Variants in IL36B observed in about 807,000 individuals in gnomAD.
The protein encoded by IL36B is interleukin 36 beta.
IL36B carries 23 observed loss-of-function variants against 19.3 expected under a neutral mutation model. The ratio of observed to expected loss-of-function variants is 1.19; its 90% CI spans 0.86 to 1.69. The LOEUF is 1.69. Ranked by LOEUF, IL36B falls within the 40% of genes most tolerant of loss-of-function variation. The pLI is 0.00. For synonymous variants in IL36B, 59 were observed against 59.7 expected (o/e 0.99, Z 0.05); for missense variants, 217 against 200.5 (o/e 1.08, Z -0.50).
At chr2:113,033,901 A>T (rs1685122797) in intron 1 of IL36B, among the ~76,000 whole-genome samples, 1 of 152,076 alleles carries the variant, frequency 6.6e-6, no homozygotes, top group African/African-American at 2.4e-5. Context: ...ACCGAATATT[A>T]TTGGTCAGTC....
intron 3 of IL36B, among the ~76,000 whole-genome samples, chr2:113,029,899 G>C (rs1035798177): frequency 3.3e-5 from 5 of 152,162 alleles, no homozygotes; most frequent in African/African-American, 1.2e-4. Flanking sequence ...AAATGCAAAA[G>C]AGGAGCCAGC....
Position 113,026,218 on chromosome 2 carries a change from T to C in IL36B, c.276A>G (p.Gln92=). 2.5e-6 allele frequency: 4 copies of C among 1,613,798 alleles called. No homozygotes were observed. The highest frequency in any genetic ancestry group is 3.4e-6 in the Non-Finnish European group (4 of 1,179,750). Residue 92 remains glutamine (Q), a synonymous_variant, in exon 5 of 6, where the codon CAA becomes CAG. Coordinates refer to ENST00000259213, the MANE Select transcript of IL36B (RefSeq NM_014438.5). ...AGCAAGTGTCCTTCCCTATGTTATC[T>C]TGGGAGCCCTGAAGCTGGAAGAGAG...
intron 4 of IL36B, chr2:113,027,688 T>G: frequency 1.4e-6 from 2 of 1,389,626 alleles, no homozygotes; most frequent in Non-Finnish European, 9.3e-7. Context: ...TGGAAAGTGA[T>G]TTTTAGGTTT....
Position 113,022,682 on chromosome 2 carries a change from T to C in IL36B, c.487A>G (p.Arg163Gly). 2 of 1,596,518 alleles carry C rather than the reference T, an allele frequency of 1.3e-6. No homozygotes were observed. Among genetic ancestry groups the C allele is most frequent in the Non-Finnish European group, 1.7e-6 (2 of 1,163,946 alleles). ...TCTTCCTCCCCTTATTTCTACATCC[T>C]TCCTGGCATTCCTATGTTGGTCCGC... The change falls in exon 6 of 6, where the codon AGG becomes GGG. Residue 163 changes from arginine to glycine, a missense_variant. By Grantham distance (125) the Arg-to-Gly change is moderately radical. Transcript: ENST00000259213.
chr2:113,034,255 C>T (rs1416597799), intron 1 of IL36B, among the ~76,000 whole-genome samples: 1 of 152,174 alleles, frequency 6.6e-6, no homozygotes, highest in Non-Finnish European at 1.5e-5. Context: ...TTATCTTCGC[C>T]TGCAGGGAGT....
intron 1 of IL36B, among the ~76,000 whole-genome samples, chr2:113,043,626 TCTCAGCTCTCTGC>T (rs1685298295): frequency 6.6e-6 from 1 of 152,082 alleles, no homozygotes; most frequent in Admixed American, 6.6e-5. Flanking sequence ...CATGGCACGA[TCTCAGCTCTCTGC>T]AACCTCCGCT....
rs541387623 is a variant in IL36B, at chr2:113,034,065, C to T, written c.-57-2299G>A. 1.3e-4 allele frequency among the ~76,000 whole-genome samples: 20 copies of T among 152,272 alleles called. No individual in the cohort carries two copies. In the South Asian group the frequency reaches 3.7e-3, roughly 28 times the overall value. Reference sequence around the variant, plus strand: ...CCAGAATCAAAGATGTAAATAAAGTCGTATGACTCTCTTGCACAGAACCCT... The same window carrying T: ...CCAGAATCAAAGATGTAAATAAAGTTGTATGACTCTCTTGCACAGAACCCT... On this transcript the variant is annotated intron_variant, in intron 1 of 5. Coordinates refer to ENST00000259213, the MANE Select transcript of IL36B (RefSeq NM_014438.5).
At chr2:113,031,661 A>G in intron 2 of IL36B, 36 bp downstream of exon 2, 1 of 1,576,384 alleles carries the variant, frequency 6.3e-7, no homozygotes, top group Non-Finnish European at 8.7e-7. Context: ...GGTCAGATGG[A>G]GATATTTCCA....
chr2:113,022,495 T>C lies in IL36B; in HGVS notation c.*179A>G. The C allele has an allele frequency of 1.8e-6, 1 of 544,398 alleles. No individual in the cohort carries two copies. Among genetic ancestry groups the C allele is most frequent in the Non-Finnish European group, 3.3e-6 (1 of 304,882 alleles). 33.7% of individuals were successfully genotyped at this position (544,398 alleles called of 1,614,324 possible). On this transcript the variant is annotated 3_prime_UTR_variant, in exon 6 of 6. Transcript: ENST00000259213. ...TCTACTCCTAAAAAGACTCCGACCT[T>C]CTCTAGCTTTACAGGTAAGATTTAC...
At chr2:113,028,846 G>A in intron 4 of IL36B, 93 bp downstream of exon 4, 1 of 1,354,980 alleles carries the variant, frequency 7.4e-7, no homozygotes, top group Non-Finnish European at 1.0e-6. Context: ...ATAGTCCAGG[G>A]TTGCAAGCAT....
chr2:113,022,849 GGC>G, intron 5 of IL36B: 1 of 980,476 alleles, frequency 1.0e-6, no homozygotes, highest in Non-Finnish European at 1.6e-6. Context: ...ATTGAATAGG[GGC>G]TAAAAGGGCA....
At chr2:113,049,137 A>G (rs1374440316) in intron 1 of IL36B, among the ~76,000 whole-genome samples, 1 of 152,178 alleles carries the variant, frequency 6.6e-6, no homozygotes, top group Non-Finnish European at 1.5e-5. Context: ...ACCACATAAA[A>G]ACATCAACTC....
At chr2:113,028,563 C>A (rs1369376784) in intron 4 of IL36B, among the ~76,000 whole-genome samples, 1 of 152,126 alleles carries the variant, frequency 6.6e-6, no homozygotes, top group Non-Finnish European at 1.5e-5. Flanking sequence ...AGACCATAAC[C>A]ACATTCAAAA....
chr2:113,029,187 G>A (rs373031656), intron 3 of IL36B, 109 bp from the exon 4 acceptor site: 14 of 1,127,492 alleles, frequency 1.2e-5, no homozygotes, highest in Non-Finnish European at 1.8e-5. Context: ...TAGCCATGTG[G>A]CAGAGACCCT....
intron 3 of IL36B, among the ~76,000 whole-genome samples, chr2:113,030,014 C>T (rs545864375): frequency 3.1e-4 from 47 of 152,274 alleles, no homozygotes; most frequent in Middle Eastern, 6.8e-3. Flanking sequence ...GGGCGGATCA[C>T]GAGGTCAGGG....
intron 4 of IL36B, among the ~76,000 whole-genome samples, chr2:113,026,422 G>A (rs1040379234): frequency 6.6e-6 from 1 of 152,146 alleles, no homozygotes; most frequent in Non-Finnish European, 1.5e-5. Context: ...ATAGTTTTGG[G>A]GACAAATTAT....
chr2:113,044,260 A>ATGTGTGTGTGTGTGTGTGTGTG (rs56838257), intron 1 of IL36B, among the ~76,000 whole-genome samples: 1 of 142,450 alleles, frequency 7.0e-6, no homozygotes, highest in Non-Finnish European at 1.5e-5. Context: ...CTATATCTAT[A>ATGTGTGTGTGTGTGTGTGTGTG]TGTGTGTGTG....
chr2:113,048,004 C>G (rs1213356363), intron 1 of IL36B, among the ~76,000 whole-genome samples: 1 of 151,924 alleles, frequency 6.6e-6, no homozygotes, highest in East Asian at 1.9e-4. Flanking sequence ...TTAATCCAAC[C>G]ATATTAATAC....
At chr2:113,037,247 A>C (rs1417468405) in intron 1 of IL36B, among the ~76,000 whole-genome samples, 3 of 152,184 alleles carry the variant, frequency 2.0e-5, no homozygotes. Flanking sequence ...TCCCAGCATA[A>C]AGTCACTTTC....
Sources: gnomAD v4.1 joint callset for allele counts (sites outside exome capture counted in the v4.1 genomes callset) on GRCh38, gnomAD v4.1.1 for gene constraint, MANE v1.5 for transcripts, NCBI Gene and HGNC (gene_info 2026-07-23, HGNC 2026-07-21) for gene names.